The following NR3C1 variants were observed in gnomAD, a reference collection of about 807,000 sequenced individuals.
The protein encoded by NR3C1 is glucocorticoid receptor.
In NR3C1, 14 loss-of-function variants were observed where a neutral mutation model predicts 74.0. The ratio of observed to expected loss-of-function variants is 0.19; its 90% CI spans 0.12 to 0.30. The LOEUF is 0.30. Among genes scored for constraint, NR3C1 ranks in the 10% least tolerant of loss-of-function variants. The pLI is 1.00. For missense variants in NR3C1, 695 were observed against 909.8 expected (o/e 0.76, Z 3.04); for synonymous variants, 308 against 332.5 (o/e 0.93, Z 0.80).
rs768030422 is a variant in NR3C1, at chr5:143,400,401, C to T, written c.439G>A (p.Val147Met). The T allele has an allele frequency of 1.9e-6, 3 of 1,614,092 alleles. No individual in the cohort carries two copies. Among genetic ancestry groups the T allele is most frequent in the African/African-American group, 2.7e-5 (2 of 74,938 alleles). ...TCCTTCTCTGTGGGGGCAGCAGACACAGCAGTGGATGCTGAACTCTTGGGG... is the reference window on the plus strand; with the variant it reads ...TCCTTCTCTGTGGGGGCAGCAGACATAGCAGTGGATGCTGAACTCTTGGGG... ...ENPKSSASTA[V>M]SAAPTEKEFP... is the part of the protein sequence containing the mutation. Residue 147 changes from valine (V) to methionine (M), a missense_variant, in exon 2 of 9, where the codon GTG becomes ATG. Transcript: ENST00000394464.
intron 2 of NR3C1, among the ~76,000 whole-genome samples, chr5:143,333,906 C>G (rs1826549225): frequency 6.6e-6 from 1 of 152,164 alleles, no homozygotes; most frequent in Admixed American, 6.5e-5. Flanking sequence ...CTGAAGAAAT[C>G]TTAACTTTTT....
intron 7 of NR3C1, among the ~76,000 whole-genome samples, chr5:143,288,141 C>T (rs367927241): frequency 5.4e-5 from 8 of 147,054 alleles, no homozygotes; most frequent in African/African-American, 7.6e-5. Flanking sequence ...TTTTTGGAGA[C>T]GGAGCCTCAC....
intron 2 of NR3C1, among the ~76,000 whole-genome samples, chr5:143,320,717 G>A (rs1823179685): frequency 6.6e-6 from 1 of 152,176 alleles, no homozygotes; most frequent in Non-Finnish European, 1.5e-5. Context: ...AGTCTAATCT[G>A]TCTCACAGAA....
intron 1 of NR3C1, among the ~76,000 whole-genome samples, chr5:143,425,174 C>A (rs1343501057): frequency 3.9e-5 from 6 of 152,070 alleles, no homozygotes; most frequent in African/African-American, 1.4e-4. Flanking sequence ...AGCATTGGGA[C>A]AACTGGATAG....
chr5:143,294,249 G>GAATT, intron 7 of NR3C1: 1 of 984,826 alleles, frequency 1.0e-6, no homozygotes, highest in Non-Finnish European at 1.2e-6. Flanking sequence ...GTTACTAATG[G>GAATT]AATTAAGACT....
At chr5:143,385,497 T>C (rs1200141093) in intron 2 of NR3C1, among the ~76,000 whole-genome samples, 12 of 152,252 alleles carry the variant, frequency 7.9e-5, no homozygotes, top group Admixed American at 7.2e-4. Flanking sequence ...TGTGAACACA[T>C]ATGACTGTAT....
At chr5:143,293,071 A>C (rs1195596680) in intron 7 of NR3C1, among the ~76,000 whole-genome samples, 2 of 152,212 alleles carry the variant, frequency 1.3e-5, no homozygotes, top group African/African-American at 4.8e-5. Context: ...TGCCTTTTCA[A>C]CTGCATTTAT....
rs552606427 is a variant in NR3C1 at position 143,369,096 on chromosome 5, C to T, written c.1184+30560G>A. Among the ~76,000 whole-genome samples the T allele has an allele frequency of 7.2e-4, 110 of 152,318 alleles. 2 individuals carry two copies. Among genetic ancestry groups the T allele is most frequent in the African/African-American group, 2.4e-3 (101 of 41,574 alleles). On this transcript the variant is annotated intron_variant, in intron 2 of 8. Coordinates refer to ENST00000394464, the MANE Select transcript of NR3C1 (RefSeq NM_000176.3). ...ACCCAAGCACTTCTTAAAGGCCTCA[C>T]ATCTCAATACTGCCACATTGGGGAT...
intron 2 of NR3C1, among the ~76,000 whole-genome samples, chr5:143,361,756 A>G (rs1405685331): frequency 6.6e-6 from 1 of 152,236 alleles, no homozygotes; most frequent in Non-Finnish European, 1.5e-5. Context: ...GGGGGCATCA[A>G]TGTAATTTCC....
chr5:143,376,872 T>TG (rs1287857310), intron 2 of NR3C1, among the ~76,000 whole-genome samples: 1 of 152,190 alleles, frequency 6.6e-6, no homozygotes, highest in Non-Finnish European at 1.5e-5. Flanking sequence ...TATCAGGGTT[T>TG]GGATAAGGTG....
chr5:143,397,231 C>T (rs1310744364), intron 2 of NR3C1, among the ~76,000 whole-genome samples: 1 of 151,570 alleles, frequency 6.6e-6, no homozygotes. Flanking sequence ...AGTCAAATTG[C>T]AATTTATAAC....
rs553045782 is a variant in NR3C1 at position 143,384,885 on chromosome 5, C to T, written c.1184+14771G>A. On this transcript the variant is annotated intron_variant, in intron 2 of 8. Coordinates refer to ENST00000394464, the MANE Select transcript of NR3C1 (RefSeq NM_000176.3). ...ACTAGGCAGTGCCCCAGTGGGGTCT[C>T]TGTGTGGGGGCTCTAACCCCATGTA... is the stretch of plus-strand genomic sequence containing the variant. Among the ~76,000 whole-genome samples, 38 of 152,366 alleles carry T rather than the reference C, an allele frequency of 2.5e-4. 2 individuals carry two copies. The South Asian group carries it at 7.2e-3, about 29-fold the overall frequency.
At chr5:143,359,338 T>C (rs1343051661) in intron 2 of NR3C1, among the ~76,000 whole-genome samples, 1 of 152,222 alleles carries the variant, frequency 6.6e-6, no homozygotes, top group African/African-American at 2.4e-5. Flanking sequence ...TTCCTCAATA[T>C]ACCAAGTTCA....
rs72542741 is a variant in NR3C1, at chr5:143,400,216, C to T, written c.624G>A (p.Thr208=). ...EFSSGSPGKE[T]NESPWRSDLL... ...GGTCTGATCTCCAAGGACTCTCATT[C>T]GTCTCTTTACCTGGGGACCCAGAAG... Residue 208 remains threonine (T), a synonymous_variant, in exon 2 of 9, where the codon ACG becomes ACA. Coordinates refer to ENST00000394464, the MANE Select transcript of NR3C1 (RefSeq NM_000176.3). 7.7e-5 allele frequency: 124 copies of T among 1,606,778 alleles called. 1 individual carries two copies. The African/African-American group carries it at 1.5e-3, about 19-fold the overall frequency.
upstream of NR3C1, among the ~76,000 whole-genome samples, chr5:143,405,786 C>G (rs1841076994): frequency 6.6e-6 from 1 of 152,170 alleles, no homozygotes; most frequent in Non-Finnish European, 1.5e-5. Context: ...ACCCAGAAGG[C>G]AGACTCCGCT....
intron 2 of NR3C1, among the ~76,000 whole-genome samples, chr5:143,352,082 T>C (rs1298778383): frequency 1.3e-5 from 2 of 152,166 alleles, no homozygotes; most frequent in African/African-American, 4.8e-5. Context: ...ATTTAACTTT[T>C]CTGGGGTGGC....
chr5:143,375,515 T>C (rs1398594348), intron 2 of NR3C1: 1 of 152,232 alleles, frequency 6.6e-6, no homozygotes, highest in Non-Finnish European at 1.5e-5. Flanking sequence ...GAAAGATGTC[T>C]GTGATACATT....
chr5:143,338,145 A>G (rs1175262904), intron 2 of NR3C1, among the ~76,000 whole-genome samples: 1 of 152,238 alleles, frequency 6.6e-6, no homozygotes, highest in African/African-American at 2.4e-5. Flanking sequence ...GCAGCTGTGC[A>G]TTGTAATACA....
At chr5:143,341,337 G>A (rs1173320708) in intron 2 of NR3C1, among the ~76,000 whole-genome samples, 1 of 152,196 alleles carries the variant, frequency 6.6e-6, no homozygotes, top group Non-Finnish European at 1.5e-5. Context: ...AAAAATTAAC[G>A]GTAAATGGCC....
Sources: allele counts gnomAD v4.1 joint callset (sites outside exome capture counted in the v4.1 genomes callset), GRCh38; gene constraint gnomAD v4.1.1; transcripts MANE v1.5; gene names NCBI Gene and HGNC (gene_info 2026-07-23, HGNC 2026-07-21).